MINDY4: variants seen among roughly 807,000 people sequenced by gnomAD.
MINDY4 encodes MINDY lysine 48 deubiquitinase 4, also known as probable ubiquitin carboxyl-terminal hydrolase MINDY-4.
A neutral mutation model predicts 87.0 loss-of-function variants in MINDY4; 68 were observed. That is an observed-to-expected ratio of 0.78 (90% CI 0.64 to 0.96). The LOEUF is 0.96. Among genes scored for constraint, MINDY4 ranks in the 40% least tolerant of loss-of-function variants. The pLI is 0.00. For missense variants in MINDY4, 919 were observed against 928.2 expected, an observed-to-expected ratio of 0.99 and a Z score of 0.13; for synonymous variants, 379 against 363.2, an observed-to-expected ratio of 1.04 and a Z score of -0.50.
Position 30,876,225 on chromosome 7 carries a change from T to C in MINDY4, c.1971+569T>C, listed in dbSNP as rs569248919. ...GACCATATAGTGATGCTTCTGTAGA[T>C]GTATCACTCCAGTCTCTGCCTCCAT... On this transcript the variant is annotated intron_variant, in intron 15 of 17. Transcript: ENST00000265299. Among the ~76,000 whole-genome samples, 9 of 152,244 alleles carry C rather than the reference T, an allele frequency of 5.9e-5. No homozygotes were observed. In the South Asian group the frequency reaches 1.5e-3, roughly 25 times the overall value.
Position 30,859,280 on chromosome 7 carries a change from C to T in MINDY4, c.1701C>T (p.Cys567=). 6.2e-7 allele frequency: 1 copy of T among 1,614,174 alleles called. No individual in the cohort carries two copies. The change falls in exon 13 of 18, where the codon TGC becomes TGT. Residue 567 remains cysteine, a synonymous_variant. Coordinates refer to ENST00000265299, the MANE Select transcript of MINDY4 (RefSeq NM_032222.3). ...AGTTTGAAGTGGGCCCCTATGGCTG[C>T]ATCCTGCTCACCCTTTCTGCCATCC... The part of the protein sequence containing the change: ...IHQFEVGPYG[C]ILLTLSAILS...
At position 30,802,861 on chromosome 7, in the gene MINDY4, A is replaced by G. The variant is rs926162777; in HGVS notation, c.1073+11287A>G. On this transcript the variant is annotated intron_variant, in intron 5 of 17. Transcript: ENST00000265299. ...CCCAACCGACCAACCAAACCAACCA[A>G]CCAACCCAACCAACCATCCAACCAT... Among the ~76,000 whole-genome samples the G allele has an allele frequency of 3.3e-5, 5 of 151,692 alleles. No individual in the cohort carries two copies. In the South Asian group the frequency reaches 1.0e-3, roughly 32 times the overall value.
chr7:30,805,873 C>T (rs73089511), intron 5 of MINDY4, among the ~76,000 whole-genome samples: 5,356 of 152,194 alleles, frequency 0.035, 149 homozygotes, highest in Non-Finnish European at 0.056. Context: ...GAGATTTGTG[C>T]ATGTTTGTGA....
chr7:30,797,466 A>G (rs1787523730), intron 5 of MINDY4, among the ~76,000 whole-genome samples: 2 of 152,248 alleles, frequency 1.3e-5, no homozygotes, highest in African/African-American at 4.8e-5. Flanking sequence ...GAAAGGAGAC[A>G]GGGAACTTGC....
chr7:30,783,264 CTGCT>C (rs990338732), intron 3 of MINDY4, among the ~76,000 whole-genome samples: 39 of 152,240 alleles, frequency 2.6e-4, no homozygotes, highest in Admixed American at 2.4e-3. Context: ...ACTCTAGCCT[CTGCT>C]TGTGTTGTTA....
intron 6 of MINDY4, among the ~76,000 whole-genome samples, chr7:30,831,326 G>C (rs1415512634): frequency 6.6e-6 from 1 of 152,062 alleles, no homozygotes; most frequent in Non-Finnish European, 1.5e-5. Context: ...TTTTTCAGGG[G>C]GCTCTATCTC....
intron 13 of MINDY4, among the ~76,000 whole-genome samples, chr7:30,869,385 T>G (rs965179032): frequency 1.3e-5 from 2 of 152,166 alleles, no homozygotes; most frequent in African/African-American, 4.8e-5. Context: ...AGTATTGCAT[T>G]TGAAGAAAGG....
intron 5 of MINDY4, among the ~76,000 whole-genome samples, chr7:30,824,600 A>G (rs1323003269): frequency 2.0e-5 from 3 of 151,986 alleles, no homozygotes; most frequent in East Asian, 1.9e-4. Flanking sequence ...TTTGCTATTT[A>G]TTTTTATTTT....
intron 13 of MINDY4, among the ~76,000 whole-genome samples, chr7:30,866,736 G>T (rs1462962642): frequency 6.6e-6 from 1 of 152,190 alleles, no homozygotes; most frequent in Non-Finnish European, 1.5e-5. Context: ...GGGTTTGCAG[G>T]GATCAGTTGC....
intron 5 of MINDY4, among the ~76,000 whole-genome samples, chr7:30,811,318 A>G (rs1450358223): frequency 2.6e-5 from 4 of 152,252 alleles, no homozygotes; most frequent in African/African-American, 9.6e-5. Context: ...TAATAGTAAT[A>G]GAAACCTGCT....
chr7:30,824,458 A>G (rs1264872974), intron 5 of MINDY4, among the ~76,000 whole-genome samples: 2 of 152,210 alleles, frequency 1.3e-5, no homozygotes, highest in Admixed American at 6.5e-5. Flanking sequence ...CAGATATTCA[A>G]ACCATAGCAG....
At chr7:30,833,807 A>G (rs1788778273) in intron 6 of MINDY4, among the ~76,000 whole-genome samples, 1 of 152,232 alleles carries the variant, frequency 6.6e-6, no homozygotes, top group Non-Finnish European at 1.5e-5. Flanking sequence ...ATTGGCCAAA[A>G]CAAAGGGGCC....
chr7:30,829,279 G>A (rs1013488327), intron 6 of MINDY4, among the ~76,000 whole-genome samples: 2 of 147,366 alleles, frequency 1.4e-5, no homozygotes, highest in African/African-American at 5.2e-5. Flanking sequence ...TAGTTTTGAA[G>A]CAAACTTTTT....
intron 5 of MINDY4, among the ~76,000 whole-genome samples, chr7:30,801,067 C>A (rs62446944): frequency 0.073 from 11,139 of 152,114 alleles, 522 homozygotes; most frequent in Middle Eastern, 0.13. Flanking sequence ...CCTCTGGAGG[C>A]CCCCAGATCT....
intron 13 of MINDY4, among the ~76,000 whole-genome samples, chr7:30,866,138 C>G (rs1217139415): frequency 6.6e-6 from 1 of 152,204 alleles, no homozygotes; most frequent in East Asian, 1.9e-4. Context: ...AGGGGTCCAC[C>G]TGGTACAGCT....
chr7:30,851,742 A>G (rs1032870231), intron 10 of MINDY4, among the ~76,000 whole-genome samples: 1 of 152,222 alleles, frequency 6.6e-6, no homozygotes, highest in Non-Finnish European at 1.5e-5. Flanking sequence ...CAGCCACTAA[A>G]GGAGCACGGG....
At chr7:30,772,331 T>G (rs921957645) in intron 1 of MINDY4, among the ~76,000 whole-genome samples, 4 of 152,168 alleles carry the variant, frequency 2.6e-5, no homozygotes, top group African/African-American at 7.2e-5. Flanking sequence ...TGAAAACACA[T>G]ACACGTAATT....
At chr7:30,833,242 G>A (rs186552603) in intron 6 of MINDY4, among the ~76,000 whole-genome samples, 2 of 152,310 alleles carry the variant, frequency 1.3e-5, no homozygotes, top group East Asian at 1.9e-4. Flanking sequence ...ATTTTCAAAG[G>A]AAACAAGTTT....
At chr7:30,870,028 G>C (rs1191399486) in intron 13 of MINDY4, among the ~76,000 whole-genome samples, 1 of 152,144 alleles carries the variant, frequency 6.6e-6, no homozygotes, top group Non-Finnish European at 1.5e-5. Context: ...TAAACCATAA[G>C]CCACTCCTTG....
Sources: gnomAD v4.1 joint callset for allele counts (sites outside exome capture counted in the v4.1 genomes callset) on GRCh38, gnomAD v4.1.1 for gene constraint, MANE v1.5 for transcripts, NCBI Gene and HGNC (gene_info 2026-07-23, HGNC 2026-07-21) for gene names.